RFWD3: variants seen among roughly 807,000 people sequenced by gnomAD.
RFWD3 encodes ring finger and WD repeat domain 3.
RFWD3 carries 65 observed loss-of-function variants against 87.7 expected under a neutral mutation model. That is an observed-to-expected ratio of 0.74 (90% CI 0.61 to 0.91). RFWD3 has a LOEUF of 0.91. RFWD3 is among the 40% of genes least tolerant of loss of function. RFWD3 has a pLI of 0.00. For synonymous variants in RFWD3, 433 were observed against 352.8 expected (o/e 1.23, Z -2.55); for missense variants, 1,078 against 938.5 (o/e 1.15, Z -1.94).
intron 4 of RFWD3, among the ~76,000 whole-genome samples, chr16:74,647,085 CAA>C (rs1216676149): frequency 4.0e-5 from 5 of 124,946 alleles, no homozygotes; most frequent in Admixed American, 8.3e-5. Flanking sequence ...ACACTCGTCT[CAA>C]AAAAAAAAAA....
At chr16:74,640,435 C>T (rs1349045167) in intron 6 of RFWD3, among the ~76,000 whole-genome samples, 1 of 151,946 alleles carries the variant, frequency 6.6e-6, no homozygotes. Flanking sequence ...TGAGCCAATG[C>T]GCCCGCCCGG....
At position 74,661,060 on chromosome 16, in the gene RFWD3, A is replaced by T. The variant is rs1269221023; in HGVS notation, c.390T>A (p.Leu130=). The T allele has an allele frequency of 6.2e-7, 1 of 1,614,090 alleles. No homozygotes were observed. Among genetic ancestry groups the T allele is most frequent in the Non-Finnish European group, 8.5e-7 (1 of 1,180,050 alleles). ...GTCTCAGGAATTCCAGCATGCCATG[A>T]AGTCTCTGCAGTCCGCTGATGAAGT... ...MTNFISGLQR[L]HGMLEFLRPS... Residue 130 remains leucine (L), a synonymous_variant, in exon 2 of 13, where the codon CTT becomes CTA. Transcript: ENST00000361070.
chr16:74,651,805 A>G (rs1458503668), intron 3 of RFWD3, 115 bp downstream of exon 3: 6 of 900,946 alleles, frequency 6.7e-6, no homozygotes, highest in Non-Finnish European at 1.0e-5. Context: ...AGGAATCCAC[A>G]ACATTTAGGG....
In RFWD3 at chr16:74,661,021, G is replaced by A; in HGVS notation, c.429C>T (p.Asn143=). The change falls in exon 2 of 13, where the codon AAC becomes AAT. Residue 143 remains asparagine (N), a synonymous_variant. Transcript: ENST00000361070. ...MLEFLRPSSS[N]HSVGPMRTRR... ...TTGTTCTCATTGGCCCTACACTGTG[G>A]TTTGAAGATGAAGGTCTCAGGAATT... 1 of 1,614,198 alleles carries A rather than the reference G, an allele frequency of 6.2e-7. No individual in the cohort carries two copies. The highest frequency in any genetic ancestry group is 1.1e-5 in the South Asian group (1 of 91,084).
rs547541219 is a variant in RFWD3 at position 74,666,330 on chromosome 16, T to A, written c.-3+456A>T. 1.2e-3 allele frequency: 176 copies of A among 152,316 alleles called. 1 individual carries two copies. The highest frequency in any genetic ancestry group is 4.2e-3 in the African/African-American group (173 of 41,578). The allele number at this position is 152,316 out of a possible 1,614,324, so 9.4% of individuals were successfully genotyped here. A position where few individuals can be genotyped will look rare whatever the true frequency, so the allele number is the denominator to read the frequency against. On this transcript the variant is annotated intron_variant, in intron 1 of 12. Coordinates refer to ENST00000361070, the MANE Select transcript of RFWD3 (RefSeq NM_018124.4). ...TTGTTCTCCTGTAAAACAGGGATAATACAAGTCTTTACTCCACAGTTTCCG... is the reference window on the plus strand; with the variant it reads ...TTGTTCTCCTGTAAAACAGGGATAAAACAAGTCTTTACTCCACAGTTTCCG...
chr16:74,636,829 G>C (rs1483476777), intron 7 of RFWD3, among the ~76,000 whole-genome samples: 1 of 151,536 alleles, frequency 6.6e-6, no homozygotes, highest in East Asian at 1.9e-4. Context: ...TTCTGCCTCA[G>C]CCTCCTGAGT....
intron 12 of RFWD3, among the ~76,000 whole-genome samples, chr16:74,625,545 T>C (rs75096056): frequency 0.13 from 18,932 of 150,626 alleles, 1,448 homozygotes; most frequent in Admixed American, 0.24. Flanking sequence ...CCAGGCGCAA[T>C]GGCTCACGCC....
At chr16:74,662,624 A>G (rs1597462356) in intron 1 of RFWD3, among the ~76,000 whole-genome samples, 1 of 152,238 alleles carries the variant, frequency 6.6e-6, no homozygotes, top group East Asian at 1.9e-4. Context: ...GGCTATGCAA[A>G]GAGCCAAGAA....
rs1958781240 is a variant in RFWD3 at position 74,621,896 on chromosome 16, C to T, written c.*2032G>A. 6.6e-6 allele frequency: 1 copy of T among 152,128 alleles called. No homozygotes were observed. The highest frequency in any genetic ancestry group is 2.1e-4 in the South Asian group (1 of 4,830). 9.4% of individuals were successfully genotyped at this position (152,128 alleles called of 1,614,324 possible). On this transcript the variant is annotated 3_prime_UTR_variant, in exon 13 of 13. Transcript: ENST00000361070. ...ATTTTTAGTAGAGATGGGGTTTCAC[C>T]ATGTTGGTCAGGCTGGACAAGGCTT...
chr16:74,642,325 T>C (rs1959731666), intron 6 of RFWD3, among the ~76,000 whole-genome samples: 1 of 152,058 alleles, frequency 6.6e-6, no homozygotes, highest in Non-Finnish European at 1.5e-5. Context: ...GGTTTTGCCA[T>C]GCTGCTCAGG....
intron 12 of RFWD3, 137 bp from the exon 13 acceptor site, chr16:74,624,208 TGCAAGGTTG>T: frequency 9.8e-7 from 1 of 1,016,640 alleles, no homozygotes; most frequent in Non-Finnish European, 1.4e-6. Flanking sequence ...CCCTAACCTT[TGCAAGGTTG>T]TTCAAAGTCA....
intron 8 of RFWD3, among the ~76,000 whole-genome samples, chr16:74,634,245 CAG>C (rs1269029074): frequency 3.9e-5 from 6 of 152,042 alleles, no homozygotes; most frequent in Non-Finnish European, 8.8e-5. Flanking sequence ...TGAAATGAAA[CAG>C]ATGACATTTC....
At chr16:74,641,006 G>A (rs1484616101) in intron 6 of RFWD3, among the ~76,000 whole-genome samples, 1 of 152,034 alleles carries the variant, frequency 6.6e-6, no homozygotes, top group Non-Finnish European at 1.5e-5. Context: ...AACAAGAAAA[G>A]TTTAAGTTAG....
At chr16:74,661,547 A>C (rs1961441997) in intron 1 of RFWD3, 96 bp from the exon 2 acceptor site, 1 of 1,157,664 alleles carries the variant, frequency 8.6e-7, no homozygotes, top group African/African-American at 1.5e-5. Flanking sequence ...TTTTATGTTT[A>C]ATATCATTCT....
intron 4 of RFWD3, 98 bp from the exon 5 acceptor site, chr16:74,644,833 G>T (rs1959994316): frequency 1.8e-6 from 2 of 1,115,338 alleles, no homozygotes; most frequent in Non-Finnish European, 2.6e-6. Context: ...CAAAAAAAAT[G>T]ATACAATCAA....
chr16:74,627,280 G>C (rs909795854), intron 11 of RFWD3, among the ~76,000 whole-genome samples: 1 of 152,188 alleles, frequency 6.6e-6, no homozygotes, highest in East Asian at 1.9e-4. Flanking sequence ...TGTTACCTCA[G>C]CATCTGTTTT....
At chr16:74,638,654 A>G (rs1366898669) in intron 6 of RFWD3, among the ~76,000 whole-genome samples, 8 of 152,202 alleles carry the variant, frequency 5.3e-5, no homozygotes, top group African/African-American at 1.9e-4. Context: ...CCCCAAAACA[A>G]TTACAGTTTA....
intron 2 of RFWD3, among the ~76,000 whole-genome samples, chr16:74,659,003 G>A (rs2088200750): frequency 2.6e-5 from 4 of 152,062 alleles, no homozygotes; most frequent in African/African-American, 9.7e-5. Flanking sequence ...AAAGGGATCC[G>A]CCTGCCTTGG....
In RFWD3 at chr16:74,628,566, C is replaced by G. The variant is rs770936794; in HGVS notation, c.1855G>C (p.Glu619Gln). 11 of 1,614,172 alleles carry G rather than the reference C, an allele frequency of 6.8e-6. No homozygotes were observed. In the Admixed American group the frequency reaches 1.8e-4, roughly 27 times the overall value. The change falls in exon 11 of 13, where the codon GAA becomes CAA. Residue 619 changes from glutamate (E) to glutamine (Q), a missense_variant. Transcript: ENST00000361070. ...CAATGAGAAAAGTCCATTTTCTGTTCCCAGAATGAAGCATCCTCCAAGGTT... is the reference window on the plus strand; with the variant it reads ...CAATGAGAAAAGTCCATTTTCTGTTGCCAGAATGAAGCATCCTCCAAGGTT... ...AGTLEDASFW[E>Q]QKMDFSHWPH...
Sources: allele counts gnomAD v4.1 joint callset (sites outside exome capture counted in the v4.1 genomes callset), GRCh38; gene constraint gnomAD v4.1.1; transcripts MANE v1.5; gene names NCBI Gene and HGNC (gene_info 2026-07-23, HGNC 2026-07-21).